PNLDC1: variants seen among roughly 807,000 people sequenced by gnomAD.
PNLDC1 encodes the protein poly(A)-specific ribonuclease PNLDC1.
A neutral mutation model predicts 82.0 loss-of-function variants in PNLDC1; 70 were observed. The ratio of observed to expected loss-of-function variants is 0.85; its 90% CI spans 0.70 to 1.04. The LOEUF (loss-of-function observed/expected upper bound fraction) is 1.04. Among genes scored for constraint, PNLDC1 ranks in the 50% least tolerant of loss-of-function variants. The pLI, the probability that PNLDC1 is intolerant of heterozygous loss-of-function variation, is 0.00. For missense variants in PNLDC1, 631 were observed against 661.1 expected, an observed-to-expected ratio of 0.95 and a Z score of 0.50; for synonymous variants, 280 against 249.3, an observed-to-expected ratio of 1.12 and a Z score of -1.16.
At chr6:159,820,389 G>C in intron 18 of PNLDC1, 65 bp from the exon 19 acceptor site, 1 of 1,507,286 alleles carries the variant, frequency 6.6e-7, no homozygotes, top group Non-Finnish European at 9.2e-7. Flanking sequence ...GGAGGGGCAA[G>C]CCTGTGTCGG....
chr6:159,818,776 T>G (rs1360082606), intron 16 of PNLDC1, 122 bp downstream of exon 16: 26 of 1,216,540 alleles, frequency 2.1e-5, no homozygotes, highest in East Asian at 2.4e-5. Flanking sequence ...GAGAGCTGGG[T>G]TTTTCTTTCC....
At chr6:159,817,186 C>A in intron 15 of PNLDC1, 35 bp downstream of exon 15, 3 of 1,586,872 alleles carry the variant, frequency 1.9e-6, no homozygotes, top group Non-Finnish European at 2.6e-6. Context: ...ACTGTTCAAT[C>A]GGTGGTCAGG....
At chr6:159,815,551 T>C (rs1209051063) in intron 12 of PNLDC1, among the ~76,000 whole-genome samples, 2 of 152,214 alleles carry the variant, frequency 1.3e-5, no homozygotes, top group Non-Finnish European at 2.9e-5. Context: ...TCATGTGGTT[T>C]GGGACTCTCC....
At position 159,819,120 on chromosome 6, in the gene PNLDC1, G is replaced by C; in HGVS notation, c.1432G>C (p.Asp478His). The change falls in exon 17 of 19, where the codon GAT (aspartate) becomes CAT (histidine). Residue 478 changes from aspartate (D) to histidine (H), a missense_variant and splice_region_variant. Transcript: ENST00000392167. This position sits in a 1 kb window ranked among gnomAD's most constrained non-coding sequence, Gnocchi z 4.6. ...CTTACTCCTGACCAATAAGTTTAAG[G>C]AGTAGGTGCCTCTAAGTCCGCGTCC... Reference protein sequence around the residue: ...QFLLLTNKFKDARNILKEYRD... With the variant: ...QFLLLTNKFKHARNILKEYRD... 6.2e-7 allele frequency: 1 copy of C among 1,613,822 alleles called. No individual in the cohort carries two copies. The highest frequency in any genetic ancestry group is 8.5e-7 in the Non-Finnish European group (1 of 1,179,900).
At position 159,809,074 on chromosome 6, in the gene PNLDC1, C is replaced by T. The variant is rs1339401200; in HGVS notation, c.699C>T (p.Asp233=). The T allele has an allele frequency of 2.5e-6, 4 of 1,613,966 alleles. No individual in the cohort carries two copies. Among genetic ancestry groups the T allele is most frequent in the African/African-American group, 1.3e-5 (1 of 75,006 alleles). Residue 233 remains aspartate (D), a synonymous_variant, in exon 9 of 19, where the codon GAC becomes GAT. Transcript: ENST00000392167. The part of the protein sequence containing the change: ...HRWYLQNTSC[D]RESCWKENIL... ...GGTATCTTCAGAACACCTCTTGTGA[C>T]CGAGAGAGCTGTTGGAAGGAAAATA... is the stretch of plus-strand genomic sequence containing the variant.
Position 159,816,011 on chromosome 6 carries a change from C to G in PNLDC1, c.1038C>G (p.His346Gln). Residue 346 changes from histidine to glutamine, a missense_variant, in exon 13 of 19, where the codon CAC (histidine) becomes CAG (glutamine). Transcript: ENST00000392167. ...PTKNSGPEIVHASRCEKYVET... is the reference protein window; with the variant it reads ...PTKNSGPEIVQASRCEKYVET... ...AGAATTCTGGACCAGAGATTGTTCACGCGAGCAGGTGTGAGAAATATGGTA... is the reference window on the plus strand; with the variant it reads ...AGAATTCTGGACCAGAGATTGTTCAGGCGAGCAGGTGTGAGAAATATGGTA... The G allele has an allele frequency of 6.2e-7, 1 of 1,613,320 alleles. No individual in the cohort carries two copies. The highest frequency in any genetic ancestry group is 8.5e-7 in the Non-Finnish European group (1 of 1,179,728).
intron 11 of PNLDC1, 26 bp from the exon 12 acceptor site, chr6:159,813,575 C>T: frequency 2.5e-6 from 4 of 1,595,480 alleles, no homozygotes; most frequent in Non-Finnish European, 1.7e-6. Context: ...AAATGTTTTC[C>T]TCTGGTTTGT....
chr6:159,820,148 C>T (rs1217454547), intron 18 of PNLDC1, among the ~76,000 whole-genome samples: 1 of 152,148 alleles, frequency 6.6e-6, no homozygotes, highest in Admixed American at 6.5e-5. Context: ...GCTGGAAAGG[C>T]AGAGTTGCTG....
In PNLDC1 at chr6:159,819,148, C is replaced by CA; in HGVS notation, c.1433+28dup. 1.9e-6 allele frequency: 3 copies of CA among 1,611,832 alleles called. No homozygotes were observed. The highest frequency in any genetic ancestry group is 2.5e-6 in the Non-Finnish European group (3 of 1,178,424). ...TAGGTGCCTCTAAGTCCGCGTCCCC[C>CA]ACCCCTCGTGCGTTCATCCCTGTAT... On this transcript the variant is annotated intron_variant, in intron 17 of 18. Coordinates refer to ENST00000392167, the MANE Select transcript of PNLDC1 (RefSeq NM_001271862.2). The surrounding 1 kb of genome is among the most constrained non-coding windows in gnomAD (Gnocchi z 4.6).
chr6:159,811,358 A>G (rs995494060), intron 10 of PNLDC1, among the ~76,000 whole-genome samples: 4 of 152,154 alleles, frequency 2.6e-5, no homozygotes, highest in African/African-American at 9.7e-5. Context: ...TCTCTGAGCA[A>G]TTATTTACAA....
intron 4 of PNLDC1, 118 bp downstream of exon 4, chr6:159,803,428 T>C: frequency 1.1e-6 from 1 of 879,740 alleles, no homozygotes; most frequent in Non-Finnish European, 1.8e-6. Flanking sequence ...CCGTATTCTC[T>C]CCTGTGTCTG....
At chr6:159,815,691 G>A (rs1476201059) in intron 12 of PNLDC1, among the ~76,000 whole-genome samples, 2 of 152,164 alleles carry the variant, frequency 1.3e-5, no homozygotes, top group East Asian at 3.9e-4. Flanking sequence ...AGCTCCGGAG[G>A]ACAGAGACAG....
intron 3 of PNLDC1, among the ~76,000 whole-genome samples, chr6:159,802,835 G>A (rs1483193371): frequency 6.6e-6 from 1 of 151,772 alleles, no homozygotes; most frequent in Non-Finnish European, 1.5e-5. Context: ...CACCTGCCTA[G>A]GTCTCCCAAA....
intron 12 of PNLDC1, among the ~76,000 whole-genome samples, chr6:159,814,870 C>T (rs1197480684): frequency 2.6e-5 from 4 of 152,136 alleles, no homozygotes; most frequent in Non-Finnish European, 4.4e-5. Flanking sequence ...TAGAACAGCC[C>T]CTTGCATGTA....
chr6:159,810,796 A>G (rs1453506349), intron 10 of PNLDC1, among the ~76,000 whole-genome samples: 2 of 152,258 alleles, frequency 1.3e-5, no homozygotes, highest in African/African-American at 4.8e-5. Flanking sequence ...TACGAGGGGT[A>G]AGAAAGTTTT....
intron 10 of PNLDC1, among the ~76,000 whole-genome samples, chr6:159,810,453 ATTT>A (rs1411721459): frequency 6.6e-6 from 1 of 152,158 alleles, no homozygotes; most frequent in African/African-American, 2.4e-5. Flanking sequence ...TGATTACACT[ATTT>A]GATTTTTGTT....
chr6:159,800,249 GTGGGC>G, upstream of PNLDC1: 1 of 785,284 alleles, frequency 1.3e-6, no homozygotes, highest in South Asian at 2.9e-5. Context: ...ACGGAAGCGC[GTGGGC>G]AGCACGTGGG....
At position 159,808,752 on chromosome 6, in the gene PNLDC1, TTGAGGTCCAACTGGTGC is replaced by T; in HGVS notation, c.581_597del (p.Val194AlafsTer13). The T allele has an allele frequency of 6.2e-7, 1 of 1,613,822 alleles. No individual in the cohort carries two copies. Among genetic ancestry groups the T allele is most frequent in the Non-Finnish European group, 8.5e-7 (1 of 1,179,890 alleles). ...TTCCCTGCTGCAGGCTTCCAGGCCT[TTGAGGTCCAACTGGTGC>T]TGAGGCAGGCCCTCCCCAACATCTG... On this transcript the variant is annotated frameshift_variant, in exon 8 of 19. Transcript: ENST00000392167. LOFTEE classifies it high-confidence loss of function.
chr6:159,815,232 C>T (rs1295267805), intron 12 of PNLDC1, among the ~76,000 whole-genome samples: 1 of 152,238 alleles, frequency 6.6e-6, no homozygotes, highest in African/African-American at 2.4e-5. Flanking sequence ...AACCAAGGAA[C>T]TGTGGTAGTA....
Sources: gnomAD v4.1 joint callset for allele counts (sites outside exome capture counted in the v4.1 genomes callset) on GRCh38, gnomAD v4.1.1 for gene constraint, Gnocchi (gnomAD v3.1) non-coding constraint, MANE v1.5 for transcripts, NCBI Gene and HGNC (gene_info 2026-07-23, HGNC 2026-07-21) for gene names.